YARS1: variants seen among roughly 807,000 people sequenced by gnomAD.
The protein encoded by YARS1 is tyrosyl-tRNA synthetase 1, also known as tyrosine--tRNA ligase, cytoplasmic.
In YARS1, 36 loss-of-function variants were observed where a neutral mutation model predicts 62.2. That is an observed-to-expected ratio of 0.58 (90% CI 0.44 to 0.76). YARS1 has a LOEUF of 0.76. YARS1 is among the 30% of genes least tolerant of loss of function. The pLI, the probability that YARS1 is intolerant of heterozygous loss-of-function variation, is 0.00. For synonymous variants in YARS1, 234 were observed against 244.9 expected (o/e 0.96, Z 0.42); for missense variants, 524 against 639.8 (o/e 0.82, Z 1.95).
chr1:32,776,564 AGTTT>A lies in YARS1; in HGVS notation c.1477-477_1477-474del, dbSNP rs552571596. Among the ~76,000 whole-genome samples, 2 of 152,234 alleles carry A rather than the reference AGTTT, an allele frequency of 1.3e-5. No individual in the cohort carries two copies. On this transcript the variant is annotated intron_variant, in intron 12 of 12. Transcript: ENST00000373477. The surrounding 1 kb of genome is among the most constrained non-coding windows in gnomAD (Gnocchi z 4.0). Reference sequence around the variant, plus strand: ...TCAAGTAAGTTCATTTTAGGGAGTTAGTTTAAGAAAATAAACCTAAGTGCAAAGG... The same window carrying A: ...TCAAGTAAGTTCATTTTAGGGAGTTAAAGAAAATAAACCTAAGTGCAAAGG...
At position 32,782,420 on chromosome 1, in the gene YARS1, T is replaced by A; in HGVS notation, c.1026A>T (p.Pro342=). ...TGGCCTTACTCTGCTTTGAGGGATC[T>A]GGGTAGGCAGCGCTGGCCAGTTTTT... ...ALKKLASAAY[P]DPSKQKPMAK... The change falls in exon 9 of 13, where the codon CCA becomes CCT. Residue 342 remains proline, a synonymous_variant. Transcript: ENST00000373477. 6.2e-7 allele frequency: 1 copy of A among 1,614,014 alleles called. No individual in the cohort carries two copies. The highest frequency in any genetic ancestry group is 8.5e-7 in the Non-Finnish European group (1 of 1,179,910).
At chr1:32,793,667 T>A (rs1351128134) in intron 5 of YARS1, among the ~76,000 whole-genome samples, 3 of 151,934 alleles carry the variant, frequency 2.0e-5, no homozygotes, top group African/African-American at 7.2e-5. Flanking sequence ...AACATCATAG[T>A]AAAATTGCTG....
rs1653148878 is a variant in YARS1 at position 32,784,195 on chromosome 1, T to G, written c.907-1656A>C. Among the ~76,000 whole-genome samples the G allele has an allele frequency of 2.6e-5, 4 of 151,512 alleles. No individual in the cohort carries two copies. The South Asian group carries it at 8.4e-4, about 32-fold the overall frequency. ...AGTATTTTGATTTTTTTTTTTTTTTTGTAGAGACAGAGTCTCACTATGTTG... is the reference window on the plus strand; with the variant it reads ...AGTATTTTGATTTTTTTTTTTTTTTGGTAGAGACAGAGTCTCACTATGTTG... On this transcript the variant is annotated intron_variant, in intron 8 of 12. Coordinates refer to ENST00000373477, the MANE Select transcript of YARS1 (RefSeq NM_003680.4).
chr1:32,779,457 C>A lies in YARS1; in HGVS notation c.1401G>T (p.Val467=), dbSNP rs1652984227. ...PPAGSAPGEH[V]FVKGYEKGQP... is the part of the protein sequence containing the mutation. ...GGCCCTTTTCATAGCCCTTCACAAACACGTGCTCACCAGGAGCAGAGCCTG... is the reference window on the plus strand; with the variant it reads ...GGCCCTTTTCATAGCCCTTCACAAAAACGTGCTCACCAGGAGCAGAGCCTG... Residue 467 remains valine (V), a synonymous_variant, in exon 12 of 13, where the codon GTG becomes GTT. Coordinates refer to ENST00000373477, the MANE Select transcript of YARS1 (RefSeq NM_003680.4). 1 of 1,614,220 alleles carries A rather than the reference C, an allele frequency of 6.2e-7. No homozygotes were observed. Among genetic ancestry groups the A allele is most frequent in the Non-Finnish European group, 8.5e-7 (1 of 1,180,046 alleles).
At chr1:32,806,269 G>C (rs1290689651) in intron 4 of YARS1, among the ~76,000 whole-genome samples, 1 of 152,186 alleles carries the variant, frequency 6.6e-6, no homozygotes, top group Non-Finnish European at 1.5e-5. Context: ...AATACTGTGA[G>C]AATTACCAAA....
At position 32,811,027 on chromosome 1, in the gene YARS1, T is replaced by C. The variant is rs748003708; in HGVS notation, c.88A>G (p.Ile30Val). The C allele has an allele frequency of 1.9e-6, 3 of 1,614,018 alleles. No homozygotes were observed. Among genetic ancestry groups the C allele is most frequent in the Non-Finnish European group, 2.5e-6 (3 of 1,180,036 alleles). Reference protein sequence around the residue: ...EVLGEEKLKEILKERELKIYW... With the variant: ...EVLGEEKLKEVLKERELKIYW... ...ATTTTAAGTTCCCGCTCCTTCAGTA[T>C]CTCCTTCAGCTTCTCTTCCCCCAGA... is the stretch of plus-strand genomic sequence containing the variant. The change falls in exon 2 of 13, where the codon ATA becomes GTA. Residue 30 changes from isoleucine to valine, a missense_variant. Transcript: ENST00000373477.
chr1:32,795,805 C>CAAAAAAAA (rs200173836), intron 5 of YARS1, among the ~76,000 whole-genome samples: 2 of 74,446 alleles, frequency 2.7e-5, no homozygotes. Context: ...GACTCCCTCT[C>CAAAAAAAA]AAAAAAAAAA....
At chr1:32,808,842 C>G (rs566446293) in intron 3 of YARS1, among the ~76,000 whole-genome samples, 6 of 152,308 alleles carry the variant, frequency 3.9e-5, no homozygotes, top group Admixed American at 2.6e-4. Flanking sequence ...CTATCGCCAT[C>G]TGATACACAT....
At chr1:32,802,149 G>A (rs745563694) in intron 4 of YARS1, among the ~76,000 whole-genome samples, 8 of 151,766 alleles carry the variant, frequency 5.3e-5, no homozygotes, top group Non-Finnish European at 7.4e-5. Context: ...GGGTTTCACC[G>A]TTTTAGCCCG....
rs1269758998 is a variant in YARS1, at chr1:32,776,011, ACAGGAAATG to A, written c.1548_1556del (p.Ile517_Cys519del). 6.2e-7 allele frequency: 1 copy of A among 1,614,166 alleles called. No individual in the cohort carries two copies. Among genetic ancestry groups the A allele is most frequent in the Non-Finnish European group, 8.5e-7 (1 of 1,180,022 alleles). On this transcript the variant is annotated inframe_deletion, in exon 13 of 13. Coordinates refer to ENST00000373477, the MANE Select transcript of YARS1 (RefSeq NM_003680.4). This position sits in a 1 kb window ranked among gnomAD's most constrained non-coding sequence, Gnocchi z 4.0. ...TAATGTTCCCCCCTTTCAGCGATTT[ACAGGAAATG>A]GAGCCCAGCTTGGTCATGAAGTTGG...
At chr1:32,800,741 T>C (rs1638266082) in intron 4 of YARS1, among the ~76,000 whole-genome samples, 1 of 151,966 alleles carries the variant, frequency 6.6e-6, no homozygotes, top group Admixed American at 6.6e-5. Flanking sequence ...ACCTGGCTAA[T>C]TTTTTGTATT....
chr1:32,779,755 G>C, intron 11 of YARS1: 1 of 630,210 alleles, frequency 1.6e-6, no homozygotes, highest in Non-Finnish European at 2.7e-6. Context: ...TGTGTTTCTA[G>C]GGGAGGAAGT....
At chr1:32,785,518 C>A (rs751184044) in intron 8 of YARS1, among the ~76,000 whole-genome samples, 4 of 151,862 alleles carry the variant, frequency 2.6e-5, no homozygotes, top group Non-Finnish European at 4.4e-5. Context: ...ACAAACCTAG[C>A]GGGCCAAGAT....
chr1:32,780,109 T>C lies in YARS1; in HGVS notation c.1310A>G (p.Gln437Arg). ...CATAGAAGCACACAGAAGCATGCCTTGGGACTCGACTCCTCTCATCTTCTG... is the reference window on the plus strand; with the variant it reads ...CATAGAAGCACACAGAAGCATGCCTCGGGACTCGACTCCTCTCATCTTCTG... ...KPQKMRGVES[Q>R]GMLLCASIEG... Residue 437 changes from glutamine (Q) to arginine (R), a missense_variant, in exon 11 of 13, where the codon CAA becomes CGA. Gln to Arg is a conservative substitution (Grantham distance 43, BLOSUM62 1). Coordinates refer to ENST00000373477, the MANE Select transcript of YARS1 (RefSeq NM_003680.4). 6.2e-7 allele frequency: 1 copy of C among 1,614,118 alleles called. No individual in the cohort carries two copies. Among genetic ancestry groups the C allele is most frequent in the Non-Finnish European group, 8.5e-7 (1 of 1,180,036 alleles).
intron 5 of YARS1, among the ~76,000 whole-genome samples, chr1:32,792,730 A>G (rs1450318151): frequency 6.6e-6 from 1 of 151,972 alleles, no homozygotes; most frequent in Non-Finnish European, 1.5e-5. Flanking sequence ...AATATAAAAA[A>G]TTAGCTGGGC....
intron 10 of YARS1, 194 bp downstream of exon 10, chr1:32,780,854 T>A: frequency 1.6e-6 from 1 of 643,112 alleles, no homozygotes; most frequent in Non-Finnish European, 2.8e-6. Flanking sequence ...AGTTCCTGGC[T>A]GTGTTTGGTT....
At position 32,781,100 on chromosome 1, in the gene YARS1, ACCT is replaced by A; in HGVS notation, c.1085_1087del (p.Glu362del). 1 of 1,614,060 alleles carries A rather than the reference ACCT, an allele frequency of 6.2e-7. No homozygotes were observed. The highest frequency in any genetic ancestry group is 1.1e-5 in the South Asian group (1 of 91,068). On this transcript the variant is annotated inframe_deletion, in exon 10 of 13. Coordinates refer to ENST00000373477, the MANE Select transcript of YARS1 (RefSeq NM_003680.4). ...ACGGATATCCAGCCGGGATGGGATG[ACCT>A]CCTCTGGTTCTGAATTCTTGGCAGG...
rs1652834217 is a variant in YARS1, at chr1:32,775,746, G to GACT, written c.*232_*234dup. On this transcript the variant is annotated 3_prime_UTR_variant, in exon 13 of 13. Transcript: ENST00000373477. ...CTGCCAAGGGAAGAAGGTAGGGCTG[G>GACT]ACTCCCTGCTGTGGCCCAGCCCTTG... 1 of 582,640 alleles carries GACT rather than the reference G, an allele frequency of 1.7e-6. No homozygotes were observed. The highest frequency in any genetic ancestry group is 3.1e-6 in the Non-Finnish European group (1 of 325,586). The allele number at this position is 582,640 out of a possible 1,614,324, so 36.1% of individuals were successfully genotyped here.
intron 4 of YARS1, among the ~76,000 whole-genome samples, chr1:32,804,709 C>T (rs181665945): frequency 6.0e-5 from 9 of 151,002 alleles, no homozygotes; most frequent in African/African-American, 2.0e-4. Flanking sequence ...ACTTCCCAGA[C>T]GTGATGGCGG....
Sources: gnomAD v4.1 joint callset for allele counts (sites outside exome capture counted in the v4.1 genomes callset) on GRCh38, gnomAD v4.1.1 for gene constraint, Gnocchi (gnomAD v3.1) non-coding constraint, MANE v1.5 for transcripts, NCBI Gene and HGNC (gene_info 2026-07-23, HGNC 2026-07-21) for gene names.